The following PHF14 variants were observed in gnomAD, a reference collection of about 807,000 sequenced individuals.
PHF14 encodes the protein PHD finger protein 14.
In PHF14, 55 loss-of-function variants were observed where a neutral mutation model predicts 117.9. The ratio of observed to expected loss-of-function variants is 0.47; its 90% CI spans 0.38 to 0.58. The LOEUF is 0.58. Among genes scored for constraint, PHF14 ranks in the 20% least tolerant of loss-of-function variants. The probability of loss-of-function intolerance (pLI) is 0.00; values close to 1 mark genes in which losing one functional copy is unlikely to be tolerated. For synonymous variants in PHF14, 409 were observed against 368.6 expected (o/e 1.11, Z -1.26); for missense variants, 978 against 1,122.2 (o/e 0.87, Z 1.84).
chr7:11,082,744 A>G (rs1786199230), intron 16 of PHF14, among the ~76,000 whole-genome samples: 1 of 152,152 alleles, frequency 6.6e-6, no homozygotes, highest in Non-Finnish European at 1.5e-5. Flanking sequence ...CCACTCAGCT[A>G]TGTCAGGAGC....
intron 2 of PHF14, among the ~76,000 whole-genome samples, chr7:10,979,041 A>G (rs937913273): frequency 6.6e-6 from 1 of 152,202 alleles, no homozygotes; most frequent in Non-Finnish European, 1.5e-5. Context: ...TACCAGATCA[A>G]TGAACAGAAT....
intron 4 of PHF14, among the ~76,000 whole-genome samples, chr7:11,011,406 C>G (rs529522697): frequency 6.6e-6 from 1 of 152,290 alleles, no homozygotes; most frequent in African/African-American, 2.4e-5. Context: ...TATATATAAA[C>G]TTACCCATAT....
chr7:11,039,507 A>C (rs984950909), intron 11 of PHF14, among the ~76,000 whole-genome samples: 1 of 152,162 alleles, frequency 6.6e-6, no homozygotes, highest in Non-Finnish European at 1.5e-5. Context: ...CTGTGTATAT[A>C]ATTGATAAAT....
At chr7:10,988,465 A>G (rs376152633) in intron 3 of PHF14, among the ~76,000 whole-genome samples, 32 of 151,586 alleles carry the variant, frequency 2.1e-4, no homozygotes, top group African/African-American at 7.7e-4. Context: ...AAATTACCAC[A>G]CAGTCCATAA....
Position 11,031,493 on chromosome 7 carries a change from C to G in PHF14, c.1455+2675C>G, listed in dbSNP as rs1317323471. Among the ~76,000 whole-genome samples, 3 of 151,638 alleles carry G rather than the reference C, an allele frequency of 2.0e-5. No homozygotes were observed. The East Asian group carries it at 5.8e-4, about 29-fold the overall frequency. ...TAGGGCTGGGTGCAGTGGCTCATGCCTGTAATCTCAACACTTTGGGAGGCC... is the reference window on the plus strand; with the variant it reads ...TAGGGCTGGGTGCAGTGGCTCATGCGTGTAATCTCAACACTTTGGGAGGCC... On this transcript the variant is annotated intron_variant, in intron 7 of 17. Coordinates refer to ENST00000634607, the MANE Select transcript of PHF14 (RefSeq NM_001007157.2).
chr7:11,021,898 A>T (rs10247314), intron 5 of PHF14, among the ~76,000 whole-genome samples: 1 of 152,182 alleles, frequency 6.6e-6, no homozygotes, highest in African/African-American at 2.4e-5. Flanking sequence ...CACAAAAACC[A>T]GAACCATGTA....
chr7:11,055,362 A>G (rs1396684515), intron 14 of PHF14, among the ~76,000 whole-genome samples: 1 of 152,052 alleles, frequency 6.6e-6, no homozygotes, highest in African/African-American at 2.4e-5. Context: ...GTGACTTTTC[A>G]TCTTTTGTAG....
chr7:11,168,404 T>C (rs1789273035), intron 17 of PHF14, among the ~76,000 whole-genome samples: 1 of 152,210 alleles, frequency 6.6e-6, no homozygotes, highest in Non-Finnish European at 1.5e-5. Flanking sequence ...TAGTTTGTCA[T>C]AGAAAACAAA....
At chr7:11,079,963 A>G (rs1786020616) in intron 16 of PHF14, among the ~76,000 whole-genome samples, 2 of 152,160 alleles carry the variant, frequency 1.3e-5, no homozygotes, top group Admixed American at 6.5e-5. Context: ...CTTTTGTTGC[A>G]TATTGCTAGA....
chr7:10,986,332 G>T (rs1439121423), intron 3 of PHF14, among the ~76,000 whole-genome samples: 1 of 152,010 alleles, frequency 6.6e-6, no homozygotes, highest in East Asian at 1.9e-4. Context: ...TATTTGTGTA[G>T]ATTATATCTG....
At chr7:11,025,402 A>AC (rs1169142526) in intron 6 of PHF14, among the ~76,000 whole-genome samples, 1 of 152,252 alleles carries the variant, frequency 6.6e-6, no homozygotes, top group African/African-American at 2.4e-5. Flanking sequence ...AGGAAGTTCT[A>AC]CCATGGGTAA....
intron 7 of PHF14, 54 bp from the exon 8 acceptor site, chr7:11,035,586 T>A: frequency 8.5e-7 from 1 of 1,174,516 alleles, no homozygotes; most frequent in Non-Finnish European, 1.2e-6. Context: ...TTAGGTCTTT[T>A]ATGACTCTTG....
intron 17 of PHF14, among the ~76,000 whole-genome samples, chr7:11,150,179 A>G (rs1002088383): frequency 4.6e-5 from 7 of 152,182 alleles, no homozygotes; most frequent in African/African-American, 1.7e-4. Context: ...ACATCTGGTA[A>G]GAAGGAAGGG....
chr7:11,060,682 G>A (rs1583423715), intron 14 of PHF14, among the ~76,000 whole-genome samples: 1 of 152,178 alleles, frequency 6.6e-6, no homozygotes, highest in South Asian at 2.1e-4. Context: ...AGTCAGAATT[G>A]TAGATGCAGG....
intron 7 of PHF14, among the ~76,000 whole-genome samples, chr7:11,029,489 T>A (rs1420854572): frequency 6.6e-6 from 1 of 152,082 alleles, no homozygotes. Context: ...TCCAGCTACC[T>A]TTTTTTATGT....
intron 2 of PHF14, among the ~76,000 whole-genome samples, chr7:10,975,945 A>G (rs1781848754): frequency 6.6e-6 from 1 of 152,202 alleles, no homozygotes. Context: ...TAGTAGCATC[A>G]ACAGCAGAAT....
intron 14 of PHF14, among the ~76,000 whole-genome samples, chr7:11,055,603 T>G (rs1414372633): frequency 1.3e-5 from 2 of 152,208 alleles, no homozygotes; most frequent in East Asian, 3.8e-4. Flanking sequence ...TTTTAGATCA[T>G]TATTTTAGAA....
intron 17 of PHF14, among the ~76,000 whole-genome samples, chr7:11,132,396 A>G (rs1412130423): frequency 6.6e-6 from 1 of 150,928 alleles, no homozygotes; most frequent in East Asian, 1.9e-4. Context: ...TGTGTCCTCC[A>G]GGTCCATCCA....
In PHF14 at chr7:11,020,020, C is replaced by T. The variant is rs1489543251; in HGVS notation, c.1206-2848C>T. ...TGAAATATGGCTTTGAACTAAATTC[C>T]TTAATTTTTAAAAATAAGCTTTATG... On this transcript the variant is annotated intron_variant, in intron 5 of 17. Transcript: ENST00000634607. Among the ~76,000 whole-genome samples, 3 of 152,036 alleles carry T rather than the reference C, an allele frequency of 2.0e-5. No individual in the cohort carries two copies. In the East Asian group the frequency reaches 5.8e-4, roughly 29 times the overall value.
Sources: gnomAD v4.1 joint callset for allele counts (sites outside exome capture counted in the v4.1 genomes callset) on GRCh38, gnomAD v4.1.1 for gene constraint, MANE v1.5 for transcripts, NCBI Gene and HGNC (gene_info 2026-07-23, HGNC 2026-07-21) for gene names.